BTBD10: variants seen among roughly 807,000 people sequenced by gnomAD.
The protein encoded by BTBD10 is BTB/POZ domain-containing protein 10.
BTBD10 carries 21 observed loss-of-function variants against 53.2 expected under a neutral mutation model. The observed-to-expected ratio is 0.39, with a 90% CI of 0.28 to 0.57. The LOEUF (loss-of-function observed/expected upper bound fraction) is 0.57. Among genes scored for constraint, BTBD10 ranks in the 20% least tolerant of loss-of-function variants. The pLI is 0.53. For synonymous variants in BTBD10, 149 were observed against 192.7 expected, an observed-to-expected ratio of 0.77 and a Z score of 1.88; for missense variants, 360 against 594.7, an observed-to-expected ratio of 0.61 and a Z score of 4.10.
chr11:13,389,257 G>A (rs1473313902), intron 8 of BTBD10, 116 bp from the exon 9 acceptor site: 2 of 828,394 alleles, frequency 2.4e-6, no homozygotes, highest in East Asian at 5.2e-5. Flanking sequence ...AAACAAAGAA[G>A]TGAAAACAAT....
chr11:13,455,073 G>A (rs1473373101), intron 1 of BTBD10, among the ~76,000 whole-genome samples: 1 of 152,136 alleles, frequency 6.6e-6, no homozygotes, highest in Non-Finnish European at 1.5e-5. Flanking sequence ...ACCACACCTG[G>A]CTAATTTTGT....
intron 5 of BTBD10, among the ~76,000 whole-genome samples, chr11:13,415,447 A>T (rs1299831317): frequency 6.6e-6 from 1 of 152,130 alleles, no homozygotes; most frequent in Non-Finnish European, 1.5e-5. Flanking sequence ...GCCTGTTAGC[A>T]ATCATGTGAA....
Position 13,461,541 on chromosome 11 carries a change from C to T in BTBD10, c.-58+1551G>A, listed in dbSNP as rs114714186. Among the ~76,000 whole-genome samples the T allele has an allele frequency of 6.8e-3, 1,038 of 152,226 alleles. 17 individuals are homozygous for T. The highest frequency in any genetic ancestry group is 0.024 in the African/African-American group (990 of 41,518). On this transcript the variant is annotated intron_variant, in intron 1 of 8. Coordinates refer to ENST00000278174, the MANE Select transcript of BTBD10 (RefSeq NM_032320.7). ...ATCACTTCCATACTTCCCTAAGTCACCTATTATAAAAAGCCAAAAGCAGAC... is the reference window on the plus strand; with the variant it reads ...ATCACTTCCATACTTCCCTAAGTCATCTATTATAAAAAGCCAAAAGCAGAC...
At chr11:13,457,428 A>G (rs1950995454) in intron 1 of BTBD10, among the ~76,000 whole-genome samples, 1 of 152,230 alleles carries the variant, frequency 6.6e-6, no homozygotes, top group Non-Finnish European at 1.5e-5. Flanking sequence ...ACACAATAGA[A>G]TAACGGATTA....
At chr11:13,439,935 G>A in intron 2 of BTBD10, 1 of 1,534,464 alleles carries the variant, frequency 6.5e-7, no homozygotes, top group Non-Finnish European at 8.7e-7. Context: ...AAAAAATTTT[G>A]AAATCAGAGT....
In BTBD10 at chr11:13,408,038, A is replaced by G. The variant is rs559766621; in HGVS notation, c.809-2182T>C. Among the ~76,000 whole-genome samples, 432 of 152,288 alleles carry G rather than the reference A, an allele frequency of 2.8e-3. 1 individual carries two copies. Among genetic ancestry groups the G allele is most frequent in the Non-Finnish European group, 5.0e-3 (341 of 68,024 alleles). Reference sequence around the variant, plus strand: ...CCTTGTGAGCCACCCCAGCCCATCAATTCTTCACAGATGAGGCCTCAGATA... The same window carrying G: ...CCTTGTGAGCCACCCCAGCCCATCAGTTCTTCACAGATGAGGCCTCAGATA... On this transcript the variant is annotated intron_variant, in intron 6 of 8. Transcript: ENST00000278174.
chr11:13,405,528 A>C, intron 7 of BTBD10, 131 bp downstream of exon 7: 1 of 984,898 alleles, frequency 1.0e-6, no homozygotes, highest in Non-Finnish European at 1.5e-6. Context: ...CAATACATAA[A>C]ACTTAATTTA....
chr11:13,416,872 T>A (rs991927922), intron 5 of BTBD10, among the ~76,000 whole-genome samples: 2 of 151,994 alleles, frequency 1.3e-5, no homozygotes, highest in Non-Finnish European at 2.9e-5. Flanking sequence ...TAGTCCCAAC[T>A]ACTCAGGAGG....
At chr11:13,436,507 A>G (rs1007917789) in intron 2 of BTBD10, among the ~76,000 whole-genome samples, 2 of 152,230 alleles carry the variant, frequency 1.3e-5, no homozygotes, top group African/African-American at 4.8e-5. Flanking sequence ...ACACTTGGGC[A>G]TTTAGAACAA....
chr11:13,432,377 C>T (rs1950464986), intron 2 of BTBD10, among the ~76,000 whole-genome samples: 1 of 151,840 alleles, frequency 6.6e-6, no homozygotes, highest in Non-Finnish European at 1.5e-5. Context: ...TGATAAAATA[C>T]AAGAAAGGTC....
chr11:13,456,512 G>A (rs759557578), intron 1 of BTBD10, among the ~76,000 whole-genome samples: 1 of 152,070 alleles, frequency 6.6e-6, no homozygotes, highest in Non-Finnish European at 1.5e-5. Flanking sequence ...ACTGACAACC[G>A]GGAAGGAGAG....
intron 6 of BTBD10, 71 bp downstream of exon 6, chr11:13,413,459 C>T: frequency 2.2e-6 from 3 of 1,376,836 alleles, no homozygotes; most frequent in Non-Finnish European, 2.9e-6. Context: ...GTAAATAGCA[C>T]TAATTTCAGG....
At chr11:13,451,131 T>A (rs1950849953) in intron 1 of BTBD10, among the ~76,000 whole-genome samples, 1 of 152,078 alleles carries the variant, frequency 6.6e-6, no homozygotes, top group South Asian at 2.1e-4. Flanking sequence ...TAAACTCTGC[T>A]CAAATCCCTG....
chr11:13,434,366 G>C (rs1008645185), intron 2 of BTBD10, among the ~76,000 whole-genome samples: 4 of 152,186 alleles, frequency 2.6e-5, no homozygotes, highest in Non-Finnish European at 5.9e-5. Context: ...TGAGGGGGAA[G>C]TGTCTAAACA....
chr11:13,456,764 C>T (rs1336101266), intron 1 of BTBD10, among the ~76,000 whole-genome samples: 1 of 152,144 alleles, frequency 6.6e-6, no homozygotes, highest in African/African-American at 2.4e-5. Flanking sequence ...TTCAACCTCA[C>T]TCATAAAAGA....
At chr11:13,405,460 A>G in intron 7 of BTBD10, 199 bp downstream of exon 7, 1 of 583,264 alleles carries the variant, frequency 1.7e-6, no homozygotes, top group South Asian at 2.1e-5. Context: ...ATTGCGAGCC[A>G]TGCAGTTTCT....
At chr11:13,427,935 A>C (rs576298723) in intron 2 of BTBD10, among the ~76,000 whole-genome samples, 3 of 152,106 alleles carry the variant, frequency 2.0e-5, no homozygotes, top group Non-Finnish European at 2.9e-5. Flanking sequence ...AAGAAAGTGG[A>C]AAAAACCCCA....
chr11:13,406,521 C>A (rs144800002), intron 6 of BTBD10, among the ~76,000 whole-genome samples: 107 of 149,270 alleles, frequency 7.2e-4, no homozygotes, highest in African/African-American at 2.6e-3. Flanking sequence ...GCCTGGAGAG[C>A]GAAGTTAAAG....
intron 8 of BTBD10, among the ~76,000 whole-genome samples, chr11:13,394,994 A>T (rs1193144105): frequency 1.3e-5 from 2 of 151,182 alleles, no homozygotes; most frequent in Non-Finnish European, 2.9e-5. Flanking sequence ...ATAGTGCCGC[A>T]ATAAACATAC....
Sources: gnomAD v4.1 joint callset for allele counts (sites outside exome capture counted in the v4.1 genomes callset) on GRCh38, gnomAD v4.1.1 for gene constraint, MANE v1.5 for transcripts, NCBI Gene and HGNC (gene_info 2026-07-23, HGNC 2026-07-21) for gene names.